The following LRP1B variants were observed in gnomAD, a reference collection of about 807,000 sequenced individuals.
LRP1B encodes LDL receptor related protein 1B, also known as low-density lipoprotein receptor-related protein 1B.
Under a neutral mutation model 556.6 loss-of-function variants are expected in LRP1B, and 217 were observed. That is an observed-to-expected ratio of 0.39 (90% CI 0.35 to 0.44). The LOEUF (loss-of-function observed/expected upper bound fraction) is 0.44, where lower values mean the gene tolerates loss of function less well. LRP1B is among the 20% of genes least tolerant of loss of function. The pLI is 1.00. For missense variants in LRP1B, 5,053 were observed against 5,620.8 expected (o/e 0.90, Z 3.23); for synonymous variants, 2,047 against 1,865.8 (o/e 1.10, Z -2.50).
chr2:141,233,689 TA>T (rs1171187712), intron 5 of LRP1B, among the ~76,000 whole-genome samples: 2 of 152,162 alleles, frequency 1.3e-5, no homozygotes, highest in Non-Finnish European at 2.9e-5. Context: ...TATGTTGTGC[TA>T]AATAAATGTT....
chr2:140,555,569 A>T (rs560472111), intron 43 of LRP1B, among the ~76,000 whole-genome samples: 7 of 152,124 alleles, frequency 4.6e-5, no homozygotes, highest in African/African-American at 1.7e-4. Flanking sequence ...TATAATTATT[A>T]ATATTCTTGC....
intron 1 of LRP1B, among the ~76,000 whole-genome samples, chr2:141,955,871 C>A (rs1701234375): frequency 6.6e-6 from 1 of 152,020 alleles, no homozygotes; most frequent in African/African-American, 2.4e-5. Context: ...GTTGATTTCT[C>A]TTAAGCCTGC....
intron 29 of LRP1B, among the ~76,000 whole-genome samples, chr2:140,843,268 C>G (rs906931738): frequency 4.0e-5 from 6 of 151,792 alleles, no homozygotes; most frequent in African/African-American, 1.5e-4. Context: ...TAGTCTTTGT[C>G]AATTCTATAG....
chr2:141,169,323 TAAATAAATAAATAAAG>T (rs1206553833), intron 7 of LRP1B, among the ~76,000 whole-genome samples: 14 of 148,368 alleles, frequency 9.4e-5, no homozygotes, highest in African/African-American at 3.5e-4. Context: ...AATAAATAAA[TAAATAAATAAATAAAG>T]AAGAGATGGG....
At chr2:140,449,312 T>A (rs918395815) in intron 63 of LRP1B, among the ~76,000 whole-genome samples, 1 of 152,106 alleles carries the variant, frequency 6.6e-6, no homozygotes, top group Non-Finnish European at 1.5e-5. Context: ...GGGAAAGTAA[T>A]AACTTTCTCT....
At chr2:141,670,987 A>C (rs576864443) in intron 2 of LRP1B, among the ~76,000 whole-genome samples, 2 of 152,334 alleles carry the variant, frequency 1.3e-5, no homozygotes, top group East Asian at 3.9e-4. Flanking sequence ...TAATGGTATC[A>C]TGTGCTGTGG....
At chr2:141,291,352 G>A (rs937367683) in intron 3 of LRP1B, among the ~76,000 whole-genome samples, 5 of 151,970 alleles carry the variant, frequency 3.3e-5, no homozygotes, top group South Asian at 2.1e-4. Context: ...TGACAAGAAC[G>A]ACTCAACTTT....
chr2:140,700,989 A>G (rs575437974), intron 40 of LRP1B, among the ~76,000 whole-genome samples: 1 of 152,230 alleles, frequency 6.6e-6, no homozygotes, highest in South Asian at 2.1e-4. Context: ...GCACTGCTTT[A>G]AACTCTATCT....
At chr2:140,835,285 A>C (rs2105084513) in intron 31 of LRP1B, among the ~76,000 whole-genome samples, 1 of 152,242 alleles carries the variant, frequency 6.6e-6, no homozygotes, top group Non-Finnish European at 1.5e-5. Flanking sequence ...GACAGGAAAA[A>C]CTTAACTCAC....
At chr2:140,371,423 G>T in intron 69 of LRP1B, 138 bp from the exon 70 acceptor site, 2 of 389,138 alleles carry the variant, frequency 5.1e-6, no homozygotes, top group Non-Finnish European at 9.4e-6. Context: ...TTTAATGACT[G>T]GTATTACAGA....
At chr2:140,613,080 T>C (rs573780446) in intron 41 of LRP1B, among the ~76,000 whole-genome samples, 1 of 151,248 alleles carries the variant, frequency 6.6e-6, no homozygotes, top group South Asian at 2.1e-4. Context: ...TCTGTCTCTC[T>C]CCATATGTAG....
intron 20 of LRP1B, among the ~76,000 whole-genome samples, chr2:140,945,585 G>A (rs1482237873): frequency 6.6e-6 from 1 of 151,912 alleles, no homozygotes; most frequent in Admixed American, 6.6e-5. Flanking sequence ...CTTCAACAAA[G>A]TCAACAAAAA....
intron 2 of LRP1B, among the ~76,000 whole-genome samples, chr2:141,510,897 CA>C (rs879902817): frequency 0.22 from 13,027 of 59,592 alleles, 618 homozygotes; most frequent in South Asian, 0.27. Flanking sequence ...CACACACACA[CA>C]CACACACACA....
chr2:141,801,448 C>T (rs1328460457), intron 2 of LRP1B, among the ~76,000 whole-genome samples: 1 of 151,998 alleles, frequency 6.6e-6, no homozygotes, highest in African/African-American at 2.4e-5. Flanking sequence ...ACCACTGCAC[C>T]TGGCCTGTTT....
At chr2:142,102,535 GA>G (rs1369580657) in intron 1 of LRP1B, among the ~76,000 whole-genome samples, 1 of 134,084 alleles carries the variant, frequency 7.5e-6, no homozygotes, top group African/African-American at 2.6e-5. Flanking sequence ...AGGCAAAGGT[GA>G]AAAAATTAAA....
At chr2:141,442,486 T>C (rs772874301) in intron 3 of LRP1B, among the ~76,000 whole-genome samples, 22 of 151,638 alleles carry the variant, frequency 1.5e-4, no homozygotes, top group Non-Finnish European at 1.9e-4. Flanking sequence ...ACATGTAGGT[T>C]TGTTACATAG....
rs369760891 is a variant in LRP1B, at chr2:141,089,039, GTAACA to G, written c.1014-26771_1014-26767del. ...TATAGATAGTCTCAGAGAAAATGGA[GTAACA>G]TAAAAGACTTCCAACATTTTAAGTG... is the stretch of plus-strand genomic sequence containing the variant. On this transcript the variant is annotated intron_variant, in intron 7 of 90. Transcript: ENST00000389484. Among the ~76,000 whole-genome samples the G allele has an allele frequency of 7.0e-3, 1,071 of 152,218 alleles. 11 individuals are homozygous for G. Among genetic ancestry groups the G allele is most frequent in the African/African-American group, 0.023 (948 of 41,532 alleles).
At chr2:141,500,164 C>G (rs990090543) in intron 2 of LRP1B, among the ~76,000 whole-genome samples, 29 of 152,094 alleles carry the variant, frequency 1.9e-4, no homozygotes, top group African/African-American at 6.8e-4. Context: ...GTCTGAATAA[C>G]AAATGTTAGT....
intron 3 of LRP1B, among the ~76,000 whole-genome samples, chr2:141,433,274 A>G (rs189073527): frequency 6.6e-6 from 1 of 152,048 alleles, no homozygotes; most frequent in African/African-American, 2.4e-5. Flanking sequence ...CATTCCTTTT[A>G]AATGTACCAA....
Sources: allele counts gnomAD v4.1 joint callset (sites outside exome capture counted in the v4.1 genomes callset), GRCh38; gene constraint gnomAD v4.1.1; transcripts MANE v1.5; gene names NCBI Gene and HGNC (gene_info 2026-07-23, HGNC 2026-07-21).